PAK3: variants seen among roughly 807,000 people sequenced by gnomAD.
PAK3 encodes the protein p21 (RAC1) activated kinase 3, also known as serine/threonine-protein kinase PAK 3.
PAK3 carries 4 observed loss-of-function variants against 41.0 expected under a neutral mutation model. The ratio of observed to expected loss-of-function variants is 0.10; its 90% CI spans 0.05 to 0.22. The LOEUF is 0.22. Among genes scored for constraint, PAK3 ranks in the 10% least tolerant of loss-of-function variants. The pLI is 1.00. For synonymous variants in PAK3, 146 were observed against 139.6 expected (o/e 1.05, Z -0.32); for missense variants, 205 against 409.9 (o/e 0.50, Z 4.32).
intron 1 of PAK3, among the ~76,000 whole-genome samples, chrX:110,954,240 T>C (rs1310719798): frequency 8.9e-6 from 1 of 112,387 alleles, no homozygotes; most frequent in Non-Finnish European, 1.9e-5. Flanking sequence ...GAAATGCTTC[T>C]CTAAGGCAAA....
chrX:111,033,693 C>A (rs1417167307), intron 1 of PAK3, among the ~76,000 whole-genome samples: 1 of 111,328 alleles, frequency 9.0e-6, no homozygotes, highest in Non-Finnish European at 1.9e-5. Context: ...GCCAACTGCG[C>A]TTAAGTGATT....
intron 1 of PAK3, among the ~76,000 whole-genome samples, chrX:111,025,782 A>T (rs1440602987): frequency 1.8e-5 from 2 of 110,104 alleles, no homozygotes; most frequent in Non-Finnish European, 3.8e-5. Flanking sequence ...AATCCTCCCT[A>T]AATCATTTTA....
At chrX:111,149,325 T>C (rs1388589321) in intron 7 of PAK3, among the ~76,000 whole-genome samples, 1 of 111,622 alleles carries the variant, frequency 9.0e-6, no homozygotes, top group African/African-American at 3.3e-5. Flanking sequence ...AAGTGCAAGC[T>C]GTAAGTGGAT....
At chrX:111,198,836 T>C (rs1238313131) in intron 16 of PAK3, among the ~76,000 whole-genome samples, 1 of 111,733 alleles carries the variant, frequency 8.9e-6, no homozygotes, top group East Asian at 2.8e-4. Context: ...CAGTGAATTT[T>C]AGAATAGTTT....
intron 1 of PAK3, among the ~76,000 whole-genome samples, chrX:110,956,730 C>A (rs1198634845): frequency 9.0e-6 from 1 of 111,613 alleles, no homozygotes; most frequent in African/African-American, 3.3e-5. Flanking sequence ...CCTCCCCTGT[C>A]GGCTCCACCA....
chrX:111,046,106 A>C (rs1043954352), intron 1 of PAK3, among the ~76,000 whole-genome samples: 5 of 111,603 alleles, frequency 4.5e-5, no homozygotes, highest in Admixed American at 2.9e-4. Context: ...AGAAACTTGT[A>C]TGGGGGCTGA....
intron 1 of PAK3, among the ~76,000 whole-genome samples, chrX:111,032,145 G>A (rs1034910207): frequency 4.5e-5 from 5 of 110,771 alleles, no homozygotes; most frequent in Non-Finnish European, 7.6e-5. Flanking sequence ...TCATCAGGGG[G>A]CCATAGCACA....
chrX:111,141,243 C>T (rs755327464), intron 5 of PAK3, among the ~76,000 whole-genome samples: 1 of 111,715 alleles, frequency 9.0e-6, no homozygotes, highest in East Asian at 2.8e-4. Context: ...TTAGTTTATT[C>T]AGTGATTATA....
At chrX:111,065,328 T>G (rs35635315) in intron 1 of PAK3, among the ~76,000 whole-genome samples, 2,313 of 110,796 alleles carry the variant, frequency 0.021, 57 homozygotes, top group African/African-American at 0.071. Context: ...TTTTTTTTTT[T>G]GTTTTTCATT....
chrX:111,104,321 TA>T (rs201744637), intron 4 of PAK3, among the ~76,000 whole-genome samples: 4,433 of 98,815 alleles, frequency 0.045, 230 homozygotes, highest in African/African-American at 0.14. Context: ...CCAACAAAAT[TA>T]AAAAAAAAAA....
intron 1 of PAK3, among the ~76,000 whole-genome samples, chrX:110,988,008 A>C (rs758774920): frequency 8.9e-6 from 1 of 112,811 alleles, no homozygotes; most frequent in African/African-American, 3.2e-5. Flanking sequence ...AATGAAAGCT[A>C]TTATGCTGAA....
intron 5 of PAK3, among the ~76,000 whole-genome samples, chrX:111,139,359 A>C (rs1382955666): frequency 8.9e-6 from 1 of 111,736 alleles, no homozygotes; most frequent in Non-Finnish European, 1.9e-5. Context: ...ATATAGCTTA[A>C]AAAAAAGACT....
At chrX:111,070,250 GGACAACAGCTGAATTTGATCATTTATA>G (rs1569300004) in intron 1 of PAK3, among the ~76,000 whole-genome samples, 273 of 5,082 alleles carry the variant, frequency 0.054, no homozygotes, top group South Asian at 0.11. Context: ...TCATTTATAT[GGACAACAGCTGAATTTGATCATTTATA>G]TGGACAACAG....
intron 1 of PAK3, among the ~76,000 whole-genome samples, chrX:111,090,849 CCTT>C (rs1473754129): frequency 2.7e-5 from 3 of 112,584 alleles, no homozygotes; most frequent in South Asian, 7.4e-4. Context: ...TCTACTTTCT[CCTT>C]CTCTTTTTCC....
intron 16 of PAK3, among the ~76,000 whole-genome samples, chrX:111,205,604 G>C (rs1280393717): frequency 4.5e-5 from 5 of 111,317 alleles, no homozygotes; most frequent in Non-Finnish European, 9.4e-5. Flanking sequence ...CTGTATATGA[G>C]ACTTGGTAAC....
At chrX:111,160,409 A>G (rs1381175369) in intron 8 of PAK3, among the ~76,000 whole-genome samples, 1 of 110,675 alleles carries the variant, frequency 9.0e-6, no homozygotes, top group African/African-American at 3.3e-5. Flanking sequence ...TGTAATTTAC[A>G]CTTGAAACAC....
At chrX:111,211,657 A>C (rs1332201596) in intron 16 of PAK3, among the ~76,000 whole-genome samples, 1 of 104,750 alleles carries the variant, frequency 9.5e-6, no homozygotes, top group Non-Finnish European at 1.9e-5. Flanking sequence ...GTCTGGCAAC[A>C]GAGCAAGACT....
At chrX:110,951,017 T>C (rs2090734053) in intron 1 of PAK3, among the ~76,000 whole-genome samples, 1 of 112,217 alleles carries the variant, frequency 8.9e-6, no homozygotes, top group African/African-American at 3.2e-5. Flanking sequence ...AAATCTCCTT[T>C]CTCTTTGCAT....
intron 1 of PAK3, among the ~76,000 whole-genome samples, chrX:111,027,714 T>C (rs1441383686): frequency 9.0e-6 from 1 of 111,181 alleles, no homozygotes. Flanking sequence ...TTTACACTGT[T>C]GGTGGGAATG....
Sources: allele counts gnomAD v4.1 joint callset (sites outside exome capture counted in the v4.1 genomes callset), GRCh38; gene constraint gnomAD v4.1.1; transcripts MANE v1.5; gene names NCBI Gene and HGNC (gene_info 2026-07-23, HGNC 2026-07-21).